Variants in CCSER1 observed in about 807,000 individuals in gnomAD.
The protein encoded by CCSER1 is serine-rich coiled-coil domain-containing protein 1.
In CCSER1, 41 loss-of-function variants were observed where a neutral mutation model predicts 82.0. The observed-to-expected ratio is 0.50, with a 90% CI of 0.39 to 0.65. The LOEUF (loss-of-function observed/expected upper bound fraction) is 0.65, where lower values mean the gene tolerates loss of function less well. Ranked by LOEUF, CCSER1 falls within the 30% of genes least tolerant of loss-of-function variation. The pLI, the probability that CCSER1 is intolerant of heterozygous loss-of-function variation, is 0.00. For missense variants in CCSER1, 1,119 were observed against 1,064.2 expected (o/e 1.05, Z -0.72); for synonymous variants, 414 against 383.9 (o/e 1.08, Z -0.92).
intron 1 of CCSER1, among the ~76,000 whole-genome samples, chr4:90,154,875 T>G (rs1220114965): frequency 6.6e-6 from 1 of 152,000 alleles, no homozygotes; most frequent in South Asian, 2.1e-4. Flanking sequence ...CTTTATTTCC[T>G]TCTCCTGCCT....
intron 6 of CCSER1, among the ~76,000 whole-genome samples, chr4:90,718,267 A>T (rs1372831766): frequency 6.6e-6 from 1 of 152,140 alleles, no homozygotes; most frequent in Non-Finnish European, 1.5e-5. Flanking sequence ...GGCTTAAAAA[A>T]GTTAAAATAT....
chr4:90,824,813 A>G (rs1293384409), intron 8 of CCSER1, among the ~76,000 whole-genome samples: 1 of 152,198 alleles, frequency 6.6e-6, no homozygotes, highest in Non-Finnish European at 1.5e-5. Flanking sequence ...TTTAGGAAAC[A>G]TTACGAACAG....
intron 10 of CCSER1, among the ~76,000 whole-genome samples, chr4:91,559,959 A>C (rs1213453342): frequency 6.6e-6 from 1 of 151,486 alleles, no homozygotes; most frequent in African/African-American, 2.4e-5. Flanking sequence ...AATATAAGAA[A>C]TCAAATTTTG....
intron 10 of CCSER1, among the ~76,000 whole-genome samples, chr4:91,521,026 C>T (rs1228018353): frequency 6.6e-6 from 1 of 152,116 alleles, no homozygotes; most frequent in Non-Finnish European, 1.5e-5. Flanking sequence ...TTCTAGCTAT[C>T]CGTCCCCCAG....
chr4:90,376,770 T>G (rs1748384560), intron 3 of CCSER1, among the ~76,000 whole-genome samples: 1 of 152,152 alleles, frequency 6.6e-6, no homozygotes. Flanking sequence ...GTTAAGACAC[T>G]GTAGAAGGAG....
chr4:91,053,336 G>GC (rs1250049402), intron 9 of CCSER1, among the ~76,000 whole-genome samples: 1 of 152,098 alleles, frequency 6.6e-6, no homozygotes, highest in Non-Finnish European at 1.5e-5. Flanking sequence ...CTCGAACCTT[G>GC]CCCTCCCATT....
rs866171678 is a variant in CCSER1, at chr4:90,976,292, C to A, written c.2172+52845C>A. ...TTGTATAATTTACAAAAAACAAAATCAAAATACAACTCATGAAGAAACAGG... is the reference window on the plus strand; with the variant it reads ...TTGTATAATTTACAAAAAACAAAATAAAAATACAACTCATGAAGAAACAGG... On this transcript the variant is annotated intron_variant, in intron 9 of 10. Transcript: ENST00000509176. 2.0e-5 allele frequency among the ~76,000 whole-genome samples: 3 copies of A among 150,896 alleles called. No individual in the cohort carries two copies. The South Asian group carries it at 6.3e-4, about 32-fold the overall frequency.
intron 9 of CCSER1, among the ~76,000 whole-genome samples, chr4:91,033,643 C>G (rs1531404): frequency 0.37 from 56,008 of 152,054 alleles, 11,584 homozygotes; most frequent in East Asian, 0.64. Flanking sequence ...CATTTCTACT[C>G]TGTGCCACAG....
At chr4:90,419,267 A>G (rs11938514) in intron 4 of CCSER1, among the ~76,000 whole-genome samples, 2,706 of 152,060 alleles carry the variant, frequency 0.018, 49 homozygotes, top group African/African-American at 0.036. Flanking sequence ...AAAGGGATAC[A>G]ATACCTGTTA....
At chr4:90,575,934 A>T (rs1477876897) in intron 5 of CCSER1, among the ~76,000 whole-genome samples, 1 of 151,944 alleles carries the variant, frequency 6.6e-6, no homozygotes, top group Non-Finnish European at 1.5e-5. Context: ...TGCTTTAAGC[A>T]TATCTGGATT....
At chr4:91,211,840 A>C (rs1736847001) in intron 10 of CCSER1, among the ~76,000 whole-genome samples, 1 of 152,064 alleles carries the variant, frequency 6.6e-6, no homozygotes, top group African/African-American at 2.4e-5. Flanking sequence ...GATAGAAAAA[A>C]CATTGTGTGA....
intron 10 of CCSER1, among the ~76,000 whole-genome samples, chr4:91,486,998 A>G (rs567062860): frequency 3.7e-4 from 57 of 152,244 alleles, no homozygotes; most frequent in African/African-American, 1.2e-3. Context: ...AAGTCTTGAT[A>G]TACATAAACC....
intron 8 of CCSER1, among the ~76,000 whole-genome samples, chr4:90,891,403 A>G (rs1021530482): frequency 1.3e-5 from 2 of 151,582 alleles, no homozygotes; most frequent in African/African-American, 4.8e-5. Flanking sequence ...TAAAAATACT[A>G]TTTTTATAGT....
chr4:90,758,149 G>A (rs1749850381), intron 7 of CCSER1, among the ~76,000 whole-genome samples: 1 of 152,086 alleles, frequency 6.6e-6, no homozygotes, highest in African/African-American at 2.4e-5. Flanking sequence ...CGTTGGCCAG[G>A]CTGGGCTCGA....
At chr4:90,551,796 T>C (rs1188807198) in intron 5 of CCSER1, among the ~76,000 whole-genome samples, 1 of 151,486 alleles carries the variant, frequency 6.6e-6, no homozygotes, top group Non-Finnish European at 1.5e-5. Flanking sequence ...TCTTTGTCTA[T>C]CTTATTTTCC....
chr4:90,351,729 T>G (rs764482561), intron 3 of CCSER1, among the ~76,000 whole-genome samples: 13 of 152,190 alleles, frequency 8.5e-5, no homozygotes, highest in Non-Finnish European at 1.8e-4. Context: ...CACACATTCT[T>G]CTGCAGATTT....
intron 10 of CCSER1, among the ~76,000 whole-genome samples, chr4:91,384,864 G>T (rs1457030667): frequency 1.3e-5 from 2 of 152,014 alleles, no homozygotes; most frequent in East Asian, 3.9e-4. Flanking sequence ...TTTAAATGAT[G>T]AGAAAAACGG....
At chr4:90,791,968 A>G (rs1755324596) in intron 7 of CCSER1, among the ~76,000 whole-genome samples, 1 of 152,228 alleles carries the variant, frequency 6.6e-6, no homozygotes. Context: ...TGTGATATTT[A>G]CTTTATTGCA....
intron 1 of CCSER1, among the ~76,000 whole-genome samples, chr4:90,208,145 A>T (rs979758730): frequency 2.6e-5 from 4 of 152,128 alleles, no homozygotes; most frequent in Non-Finnish European, 4.4e-5. Flanking sequence ...TAGGAGTTTT[A>T]TCTATAAGTC....
Sources: allele counts gnomAD v4.1 joint callset (sites outside exome capture counted in the v4.1 genomes callset), GRCh38; gene constraint gnomAD v4.1.1; transcripts MANE v1.5; gene names NCBI Gene and HGNC (gene_info 2026-07-23, HGNC 2026-07-21).